PACSIN2: variants seen among roughly 807,000 people sequenced by gnomAD.
The protein encoded by PACSIN2 is protein kinase C and casein kinase substrate in neurons protein 2.
A neutral mutation model predicts 63.8 loss-of-function variants in PACSIN2; 25 were observed. The observed-to-expected ratio is 0.39, with a 90% CI of 0.29 to 0.55. PACSIN2 has a LOEUF of 0.55. PACSIN2 is among the 20% of genes least tolerant of loss of function. The pLI, the probability that PACSIN2 is intolerant of heterozygous loss-of-function variation, is 0.62. For synonymous variants in PACSIN2, 255 were observed against 256.2 expected (o/e 1.00, Z 0.05); for missense variants, 518 against 646.9 (o/e 0.80, Z 2.16).
intron 1 of PACSIN2, among the ~76,000 whole-genome samples, chr22:42,982,122 G>A (rs1313931577): frequency 1.5e-5 from 2 of 132,320 alleles, no homozygotes; most frequent in Non-Finnish European, 3.3e-5. Flanking sequence ...CCGGGAGGGA[G>A]GTGGGGGGAC....
Position 42,886,339 on chromosome 22 carries a change from T to C in PACSIN2, c.610-1778A>G, listed in dbSNP as rs531745916. On this transcript the variant is annotated intron_variant, in intron 5 of 10. Coordinates refer to ENST00000263246, the MANE Select transcript of PACSIN2 (RefSeq NM_001184970.3). Reference sequence around the variant, plus strand: ...CTAAATGCAAAAAGTTCTTTTATGATGGATGCTACAAGATGTAGTTGATGG... The same window carrying C: ...CTAAATGCAAAAAGTTCTTTTATGACGGATGCTACAAGATGTAGTTGATGG... Among the ~76,000 whole-genome samples, 7 of 152,324 alleles carry C rather than the reference T, an allele frequency of 4.6e-5. No individual in the cohort carries two copies. The East Asian group carries it at 1.4e-3, about 29-fold the overall frequency.
At chr22:42,890,836 C>T in intron 4 of PACSIN2, 111 bp downstream of exon 4, 1 of 785,010 alleles carries the variant, frequency 1.3e-6, no homozygotes, top group Non-Finnish European at 2.1e-6. Context: ...CCAGGTCTGG[C>T]CTCCTGTGCC....
At chr22:43,005,766 A>G (rs2284098) in intron 1 of PACSIN2, among the ~76,000 whole-genome samples, 88,084 of 151,878 alleles carry the variant, frequency 0.58, 25,979 homozygotes, top group East Asian at 0.81. Context: ...GGGGTCCATC[A>G]CCTCATGCTG....
chr22:42,952,638 T>C (rs1165392158), intron 1 of PACSIN2, among the ~76,000 whole-genome samples: 1 of 151,158 alleles, frequency 6.6e-6, no homozygotes, highest in African/African-American at 2.4e-5. Context: ...ATTATAGACG[T>C]TGAGCCACCA....
chr22:42,870,137 C>T lies in PACSIN2; in HGVS notation c.*1220G>A, dbSNP rs1927985350. 1 of 152,186 alleles carries T rather than the reference C, an allele frequency of 6.6e-6. No individual in the cohort carries two copies. Among genetic ancestry groups the T allele is most frequent in the South Asian group, 2.1e-4 (1 of 4,828 alleles). 9.4% of individuals were successfully genotyped at this position (152,186 alleles called of 1,614,324 possible). A position where few individuals can be genotyped will look rare whatever the true frequency, so the allele number is the denominator to read the frequency against. ...GAGACACTCGTGCTGCGGGTAAGAC[C>T]CAGCTTCTGTTTGTGCACAAGTAAC... On this transcript the variant is annotated 3_prime_UTR_variant, in exon 11 of 11. Transcript: ENST00000263246.
At position 42,997,574 on chromosome 22, in the gene PACSIN2, TAATA is replaced by T. The variant is rs149893267; in HGVS notation, c.-78+17443_-78+17446del. The stretch of plus-strand genomic sequence containing the variant: ...CCGTCTCAAAAAAAAAAACAATAAA[TAATA>T]AATAAATAAATAAAAATGAATGGGG... On this transcript the variant is annotated intron_variant, in intron 1 of 10. Transcript: ENST00000263246. Among the ~76,000 whole-genome samples the T allele has an allele frequency of 7.2e-5, 10 of 138,786 alleles. No homozygotes were observed. In the East Asian group the frequency reaches 1.1e-3, roughly 15 times the overall value. The allele number at this position is 138,786 out of a possible 152,430, so 91.0% of individuals were successfully genotyped here. A position where few individuals can be genotyped will look rare whatever the true frequency, so the allele number is the denominator to read the frequency against.
At chr22:42,992,346 G>C (rs904451149) in intron 1 of PACSIN2, among the ~76,000 whole-genome samples, 1 of 152,132 alleles carries the variant, frequency 6.6e-6, no homozygotes, top group African/African-American at 2.4e-5. Flanking sequence ...GAAAAGTTTG[G>C]CAGTGTCTGG....
chr22:42,884,372 C>G lies in PACSIN2; in HGVS notation c.785+14G>C. 1 of 1,605,814 alleles carries G rather than the reference C, an allele frequency of 6.2e-7. No homozygotes were observed. The highest frequency in any genetic ancestry group is 8.5e-7 in the Non-Finnish European group (1 of 1,176,006). On this transcript the variant is annotated intron_variant, in intron 6 of 10. Transcript: ENST00000263246. Reference sequence around the variant, plus strand: ...CTTCAATGACGTGTGTGTTTTAGCTCAAAGGAAACTTACCCAGCCACATTG... The same window carrying G: ...CTTCAATGACGTGTGTGTTTTAGCTGAAAGGAAACTTACCCAGCCACATTG...
In PACSIN2 at chr22:42,871,516, C is replaced by T. The variant is rs200648208; in HGVS notation, c.1349-47G>A. 8.4e-5 allele frequency: 119 copies of T among 1,418,716 alleles called. No individual in the cohort carries two copies. Among genetic ancestry groups the T allele is most frequent in the Non-Finnish European group, 1.0e-4 (100 of 1,001,382 alleles). The allele number at this position is 1,418,716 out of a possible 1,614,324, so 87.9% of individuals were successfully genotyped here. ...GTCTCCATGAGAGGTATGACACCGA[C>T]GGTGGGCTACAGAGCCGCATTCACG... is the stretch of plus-strand genomic sequence containing the variant. On this transcript the variant is annotated intron_variant, in intron 10 of 10. Transcript: ENST00000263246. This position sits in a 1 kb window ranked among gnomAD's most constrained non-coding sequence, Gnocchi z 5.4.
At chr22:42,880,529 AG>A in intron 7 of PACSIN2, 1 of 152,354 alleles carries the variant, frequency 6.6e-6, no homozygotes, top group East Asian at 1.9e-4. Flanking sequence ...CTAGGAGCCT[AG>A]CGGGGGCAGC....
chr22:42,940,849 G>T (rs981519233), intron 1 of PACSIN2, among the ~76,000 whole-genome samples: 7 of 152,208 alleles, frequency 4.6e-5, no homozygotes, highest in African/African-American at 1.7e-4. Context: ...CTGTGGGAGG[G>T]ATGATGGGTG....
chr22:42,944,970 C>T (rs1211063421), intron 1 of PACSIN2, among the ~76,000 whole-genome samples: 1 of 151,974 alleles, frequency 6.6e-6, no homozygotes, highest in African/African-American at 2.4e-5. Flanking sequence ...TGGTGGTACG[C>T]CCCTGTAGTT....
At chr22:42,874,751 C>T (rs1002870718) in intron 10 of PACSIN2, among the ~76,000 whole-genome samples, 1 of 152,192 alleles carries the variant, frequency 6.6e-6, no homozygotes, top group African/African-American at 2.4e-5. Flanking sequence ...GTGTGACTAG[C>T]CAGTGCCCTG....
At position 42,957,008 on chromosome 22, in the gene PACSIN2, G is replaced by C. The variant is rs150489543; in HGVS notation, c.-77-44851C>G. Among the ~76,000 whole-genome samples, 602 of 152,294 alleles carry C rather than the reference G, an allele frequency of 4.0e-3. 7 individuals carry two copies. The highest frequency in any genetic ancestry group is 0.014 in the African/African-American group (582 of 41,556). ...ATATATAGTGAAAATATAATAGTAA[G>C]TATAAAATGCTAATTGGGGAACAAA... On this transcript the variant is annotated intron_variant, in intron 1 of 10. Transcript: ENST00000263246.
chr22:42,977,520 C>T (rs1921786861), intron 1 of PACSIN2, among the ~76,000 whole-genome samples: 1 of 152,172 alleles, frequency 6.6e-6, no homozygotes, highest in Non-Finnish European at 1.5e-5. Context: ...ATAATTAAGA[C>T]TATAATACCA....
At chr22:42,924,184 C>T (rs907159246) in intron 1 of PACSIN2, among the ~76,000 whole-genome samples, 1 of 152,088 alleles carries the variant, frequency 6.6e-6, no homozygotes, top group Non-Finnish European at 1.5e-5. Context: ...CCTCCTGGAC[C>T]GGCCTTGCCT....
chr22:42,984,075 A>G (rs1922439194), intron 1 of PACSIN2, among the ~76,000 whole-genome samples: 1 of 150,452 alleles, frequency 6.6e-6, no homozygotes, highest in African/African-American at 2.5e-5. Context: ...GGCTCAAGCA[A>G]TCCTCCCACT....
chr22:42,903,349 A>G (rs1173656442), intron 2 of PACSIN2, among the ~76,000 whole-genome samples: 1 of 152,136 alleles, frequency 6.6e-6, no homozygotes, highest in Non-Finnish European at 1.5e-5. Flanking sequence ...CTTCCAACCT[A>G]TCCTAACCCC....
At chr22:42,892,034 C>T (rs538133258) in intron 3 of PACSIN2, among the ~76,000 whole-genome samples, 1 of 152,330 alleles carries the variant, frequency 6.6e-6, no homozygotes, top group Admixed American at 6.5e-5. Flanking sequence ...GAAGCCCATC[C>T]TGCAGGAGGA....
Sources: gnomAD v4.1 joint callset for allele counts (sites outside exome capture counted in the v4.1 genomes callset) on GRCh38, gnomAD v4.1.1 for gene constraint, Gnocchi (gnomAD v3.1) non-coding constraint, MANE v1.5 for transcripts, NCBI Gene and HGNC (gene_info 2026-07-23, HGNC 2026-07-21) for gene names.